HIVEP1: variants seen among roughly 807,000 people sequenced by gnomAD.
HIVEP1 encodes HIVEP zinc finger 1, also known as zinc finger protein 40.
HIVEP1 carries 36 observed loss-of-function variants against 180.0 expected under a neutral mutation model. The ratio of observed to expected loss-of-function variants is 0.20; its 90% CI spans 0.15 to 0.26. The LOEUF is 0.26. Among genes scored for constraint, HIVEP1 ranks in the 10% least tolerant of loss-of-function variants. The pLI is 1.00. For synonymous variants in HIVEP1, 1,239 were observed against 1,239.0 expected (o/e 1.00, Z 0.00); for missense variants, 3,143 against 3,268.7 (o/e 0.96, Z 0.94).
chr6:12,052,609 C>T (rs1770612455), intron 2 of HIVEP1, among the ~76,000 whole-genome samples: 1 of 152,132 alleles, frequency 6.6e-6, no homozygotes, highest in Non-Finnish European at 1.5e-5. Flanking sequence ...GCAGATAGCA[C>T]TATTTAATTT....
Position 12,124,555 on chromosome 6 carries a change from C to T in HIVEP1, c.4760C>T (p.Ser1587Leu), listed in dbSNP as rs1306166537. Residue 1587 changes from serine (S) to leucine (L), a missense_variant, in exon 4 of 9, where the codon TCA (serine) becomes TTA (leucine). Transcript: ENST00000379388. ...CATTCTTTGCCAAATCAAGTTATTT[C>T]AGATCCAGTTGGAACAGATCATTGT... ...PVHSLPNQVI[S>L]DPVGTDHCVT... 4 of 1,613,920 alleles carry T rather than the reference C, an allele frequency of 2.5e-6. No homozygotes were observed. The highest frequency in any genetic ancestry group is 1.1e-5 in the South Asian group (1 of 91,090).
chr6:12,124,232 A>T lies in HIVEP1; in HGVS notation c.4437A>T (p.Ala1479=). The change falls in exon 4 of 9, where the codon GCA becomes GCT. Residue 1479 remains alanine, a synonymous_variant. Transcript: ENST00000379388. ...GTACATCTTTAGCTGAGTTTTCTGC[A>T]AATACTTTGCACTCTCAGACTCAGG... The part of the protein sequence containing the change: ...LTSTSLAEFS[A]NTLHSQTQVK... 1 of 1,614,166 alleles carries T rather than the reference A, an allele frequency of 6.2e-7. No individual in the cohort carries two copies. Among genetic ancestry groups the T allele is most frequent in the South Asian group, 1.1e-5 (1 of 91,080 alleles).
chr6:12,086,352 AT>A (rs888991479), intron 2 of HIVEP1, among the ~76,000 whole-genome samples: 3 of 152,268 alleles, frequency 2.0e-5, no homozygotes, highest in African/African-American at 7.2e-5. Flanking sequence ...TGGGCTTCAG[AT>A]TTACTGACGT....
chr6:12,046,867 G>GTGTGTGTGTGTGTGTGTA (rs1160440432), intron 2 of HIVEP1, among the ~76,000 whole-genome samples: 2 of 151,848 alleles, frequency 1.3e-5, no homozygotes, highest in East Asian at 3.9e-4. Flanking sequence ...GTGTGTGTGT[G>GTGTGTGTGTGTGTGTGTA]TGTGTGTGTT....
intron 7 of HIVEP1, among the ~76,000 whole-genome samples, chr6:12,143,965 G>A (rs1358953501): frequency 6.6e-6 from 1 of 152,022 alleles, no homozygotes; most frequent in African/African-American, 2.4e-5. Context: ...TACTGCCCAA[G>A]GTAATTTATA....
the HIVEP1 span, among the ~76,000 whole-genome samples, chr6:12,173,238 G>GA: frequency 1.3e-5 from 2 of 152,156 alleles, no homozygotes; most frequent in African/African-American, 2.4e-5. Flanking sequence ...TATTGACATT[G>GA]TTGGAATACA....
chr6:12,132,739 T>A (rs1758494246), intron 6 of HIVEP1, among the ~76,000 whole-genome samples: 1 of 152,164 alleles, frequency 6.6e-6, no homozygotes, highest in Non-Finnish European at 1.5e-5. Context: ...AGATGTCATG[T>A]GGAATTATAT....
At chr6:12,046,357 A>C (rs937125770) in intron 2 of HIVEP1, among the ~76,000 whole-genome samples, 2 of 152,116 alleles carry the variant, frequency 1.3e-5, no homozygotes, top group African/African-American at 4.8e-5. Context: ...TTAACCCTGC[A>C]AAAAAAGTCT....
intron 3 of HIVEP1, among the ~76,000 whole-genome samples, chr6:12,094,430 T>C (rs1283431238): frequency 6.6e-6 from 1 of 152,060 alleles, no homozygotes; most frequent in African/African-American, 2.4e-5. Flanking sequence ...ACCATTAAAA[T>C]GTTTGCTATC....
chr6:12,090,872 G>T (rs1773432441), intron 3 of HIVEP1, among the ~76,000 whole-genome samples: 1 of 151,158 alleles, frequency 6.6e-6, no homozygotes, highest in Admixed American at 6.6e-5. Context: ...CTAAATGCCT[G>T]ATAGGAAGGA....
At chr6:12,199,037 A>T in the HIVEP1 span, among the ~76,000 whole-genome samples, 8 of 152,338 alleles carry the variant, frequency 5.3e-5, no homozygotes, top group East Asian at 1.2e-3. Flanking sequence ...CAAAGCCTGG[A>T]TGTCTTTGCA....
chr6:12,125,843 A>C lies in HIVEP1; in HGVS notation c.6048A>C (p.Ser2016=), dbSNP rs377402302. 2.5e-6 allele frequency: 4 copies of C among 1,604,828 alleles called. No individual in the cohort carries two copies. Among genetic ancestry groups the C allele is most frequent in the Non-Finnish European group, 3.4e-6 (4 of 1,175,900 alleles). ...CCAAGTCAGACTTATTGGTCTATTC[A>C]AGCAAGTGGAAAAGCAGCTTAAGCA... ...THSKSDLLVY[S]SKWKSSLSKR... is the part of the protein sequence containing the mutation. The change falls in exon 4 of 9, where the codon TCA becomes TCC. Residue 2016 remains serine, a synonymous_variant. Transcript: ENST00000379388.
chr6:12,090,744 T>TC (rs1773420356), intron 3 of HIVEP1, among the ~76,000 whole-genome samples: 2 of 148,036 alleles, frequency 1.4e-5, no homozygotes, highest in African/African-American at 2.5e-5. Flanking sequence ...CCTTTTTTTT[T>TC]TTTTTTTTTT....
intron 7 of HIVEP1, among the ~76,000 whole-genome samples, chr6:12,141,434 C>T (rs1260912299): frequency 6.6e-6 from 1 of 151,962 alleles, no homozygotes; most frequent in Non-Finnish European, 1.5e-5. Flanking sequence ...ATTGTAAAGA[C>T]CATCAATGCT....
chr6:12,202,207 T>G, the HIVEP1 span, among the ~76,000 whole-genome samples: 1 of 152,062 alleles, frequency 6.6e-6, no homozygotes, highest in African/African-American at 2.4e-5. Flanking sequence ...CAGGCTGGAG[T>G]GCGGTGGTGC....
chr6:12,053,911 A>G (rs1285466151), intron 2 of HIVEP1, among the ~76,000 whole-genome samples: 1 of 152,248 alleles, frequency 6.6e-6, no homozygotes, highest in Admixed American at 6.5e-5. Flanking sequence ...TTTTCAATAA[A>G]GAATATGACA....
intron 2 of HIVEP1, among the ~76,000 whole-genome samples, chr6:12,035,388 TTTC>T (rs1260767615): frequency 1.3e-5 from 2 of 152,352 alleles, no homozygotes; most frequent in African/African-American, 4.8e-5. Context: ...AAGCATGCTT[TTTC>T]TTCTTTTTTA....
chr6:12,023,592 A>G (rs1186216652), intron 2 of HIVEP1, among the ~76,000 whole-genome samples: 1 of 152,244 alleles, frequency 6.6e-6, no homozygotes, highest in Non-Finnish European at 1.5e-5. Flanking sequence ...TCATGTAGAT[A>G]GCTGACAGTG....
chr6:12,133,372 C>T (rs1025518644), intron 6 of HIVEP1, among the ~76,000 whole-genome samples: 1 of 152,170 alleles, frequency 6.6e-6, no homozygotes, highest in Non-Finnish European at 1.5e-5. Context: ...CAAAACCTCT[C>T]ATGCTTTCCA....
Sources: allele counts gnomAD v4.1 joint callset (sites outside exome capture counted in the v4.1 genomes callset), GRCh38; gene constraint gnomAD v4.1.1; transcripts MANE v1.5; gene names NCBI Gene and HGNC (gene_info 2026-07-23, HGNC 2026-07-21).